Variants in PPFIA2 observed in about 807,000 individuals in gnomAD.
The protein encoded by PPFIA2 is PPFI scaffold protein A2.
In PPFIA2, 46 loss-of-function variants were observed where a neutral mutation model predicts 175.5. The observed-to-expected ratio is 0.26, with a 90% CI of 0.21 to 0.34. The LOEUF is 0.34. PPFIA2 is among the 10% of genes least tolerant of loss of function. The probability of loss-of-function intolerance (pLI) is 1.00; values close to 1 mark genes in which losing one functional copy is unlikely to be tolerated. For missense variants in PPFIA2, 1,179 were observed against 1,506.1 expected (o/e 0.78, Z 3.60); for synonymous variants, 568 against 511.4 (o/e 1.11, Z -1.49).
At chr12:81,510,244 T>A (rs1436034570) in intron 4 of PPFIA2, among the ~76,000 whole-genome samples, 1 of 152,100 alleles carries the variant, frequency 6.6e-6, no homozygotes, top group Admixed American at 6.6e-5. Context: ...AATGTGTGTG[T>A]TTCTGTATGT....
intron 4 of PPFIA2, among the ~76,000 whole-genome samples, chr12:81,499,941 A>G (rs2060421241): frequency 6.6e-6 from 1 of 152,082 alleles, no homozygotes. Context: ...CACTCTTCCA[A>G]CACTCTGTGT....
intron 4 of PPFIA2, among the ~76,000 whole-genome samples, chr12:81,643,630 G>C (rs909874541): frequency 5.3e-5 from 8 of 151,988 alleles, no homozygotes; most frequent in African/African-American, 1.9e-4. Context: ...GTGACAGTGA[G>C]ATGGTTTCTT....
chr12:81,513,097 A>C (rs2061990982), intron 4 of PPFIA2, among the ~76,000 whole-genome samples: 1 of 152,102 alleles, frequency 6.6e-6, no homozygotes, highest in Non-Finnish European at 1.5e-5. Flanking sequence ...AAAGGACATG[A>C]ATAGACAATT....
At chr12:81,357,172 C>A (rs1413646726) in intron 16 of PPFIA2, among the ~76,000 whole-genome samples, 1 of 152,118 alleles carries the variant, frequency 6.6e-6, no homozygotes, top group Non-Finnish European at 1.5e-5. Flanking sequence ...GTTTTGGTAT[C>A]AAGTAGCACT....
chr12:81,579,242 C>T (rs1009924497), intron 4 of PPFIA2, among the ~76,000 whole-genome samples: 1 of 151,778 alleles, frequency 6.6e-6, no homozygotes, highest in East Asian at 1.9e-4. Context: ...ACCAAATCCA[C>T]TAGGAGGGAT....
At chr12:81,460,707 T>C (rs537801435) in intron 4 of PPFIA2, among the ~76,000 whole-genome samples, 93 of 152,218 alleles carry the variant, frequency 6.1e-4, no homozygotes, top group Middle Eastern at 3.4e-3. Flanking sequence ...GCTTACATCA[T>C]CTTACAAAGA....
chr12:81,675,235 G>T (rs200607679), intron 4 of PPFIA2, among the ~76,000 whole-genome samples: 13,465 of 148,772 alleles, frequency 0.091, 781 homozygotes, highest in East Asian at 0.23. Flanking sequence ...TATATATAGA[G>T]AGAGAGAGAT....
At chr12:81,379,628 T>A (rs1393144576) in intron 9 of PPFIA2, among the ~76,000 whole-genome samples, 2 of 152,166 alleles carry the variant, frequency 1.3e-5, no homozygotes, top group African/African-American at 4.8e-5. Context: ...ATAATCCACT[T>A]GTATGAGATT....
chr12:81,371,928 A>AACAC (rs376974623), intron 11 of PPFIA2, among the ~76,000 whole-genome samples: 4 of 137,694 alleles, frequency 2.9e-5, no homozygotes, highest in African/African-American at 1.0e-4. Flanking sequence ...CACACACACA[A>AACAC]ACACACACAC....
intron 4 of PPFIA2, among the ~76,000 whole-genome samples, chr12:81,642,444 T>C (rs2065097676): frequency 6.6e-6 from 1 of 151,206 alleles, no homozygotes; most frequent in Admixed American, 6.6e-5. Flanking sequence ...AATAATAATG[T>C]TAATAAAAAC....
At chr12:81,679,161 TATTAG>T (rs2073135006) in intron 3 of PPFIA2, among the ~76,000 whole-genome samples, 1 of 151,900 alleles carries the variant, frequency 6.6e-6, no homozygotes. Context: ...ATGACTAAAA[TATTAG>T]ATTTACAGAA....
At chr12:81,437,641 A>C (rs1328736701) in intron 7 of PPFIA2, among the ~76,000 whole-genome samples, 3 of 152,222 alleles carry the variant, frequency 2.0e-5, no homozygotes, top group Non-Finnish European at 1.5e-5. Context: ...CTTTTATAAT[A>C]GTAGCCACCA....
chr12:81,444,072 T>A (rs1018855765), intron 6 of PPFIA2, among the ~76,000 whole-genome samples: 7 of 151,644 alleles, frequency 4.6e-5, no homozygotes, highest in Admixed American at 4.6e-4. Context: ...GCCAGGATGG[T>A]CTCGATCTCC....
At chr12:81,508,521 CAAAA>C (rs544893385) in intron 4 of PPFIA2, among the ~76,000 whole-genome samples, 16,816 of 43,484 alleles carry the variant, frequency 0.39, 620 homozygotes, top group Middle Eastern at 0.56. Flanking sequence ...AATTCCACCT[CAAAA>C]AAAAAAAAAA....
chr12:81,302,730 C>T (rs112277618), intron 22 of PPFIA2: 1 of 448,772 alleles, frequency 2.2e-6, no homozygotes, highest in Non-Finnish European at 4.5e-6. Context: ...TAAAAAAGAA[C>T]AGCATTGAAA....
chr12:81,289,492 A>G (rs1036102928), intron 24 of PPFIA2, among the ~76,000 whole-genome samples: 1 of 151,908 alleles, frequency 6.6e-6, no homozygotes, highest in East Asian at 1.9e-4. Flanking sequence ...ATAAACACTA[A>G]GTTGAATTAG....
chr12:81,401,029 C>T (rs1343596410), intron 8 of PPFIA2, among the ~76,000 whole-genome samples: 1 of 152,180 alleles, frequency 6.6e-6, no homozygotes, highest in African/African-American at 2.4e-5. Flanking sequence ...TTTCAGGCAT[C>T]AGTTCAAATC....
In PPFIA2 at chr12:81,753,999, T is replaced by G; in HGVS notation, c.223A>C (p.Arg75=). The stretch of plus-strand genomic sequence containing the variant: ...TGTGGCAGGGCTGAATTGAGCTGTC[T>G]CTGGAGTGAGTCTCGGTCATAGATG... ...DVIYDRDSLQ[R]QLNSALPQDI... is the part of the protein sequence containing the mutation. Residue 75 remains arginine, a synonymous_variant, in exon 3 of 33, where the codon AGA becomes CGA. Coordinates refer to ENST00000549396, the MANE Select transcript of PPFIA2 (RefSeq NM_003625.5). 3.7e-6 allele frequency: 6 copies of G among 1,613,900 alleles called. No homozygotes were observed. The highest frequency in any genetic ancestry group is 5.1e-6 in the Non-Finnish European group (6 of 1,179,876).
intron 7 of PPFIA2, among the ~76,000 whole-genome samples, chr12:81,417,592 G>T (rs1489480912): frequency 6.6e-6 from 1 of 151,512 alleles, no homozygotes; most frequent in African/African-American, 2.4e-5. Flanking sequence ...TCCTTTCTTA[G>T]AAATAACAAA....
Sources: gnomAD v4.1 joint callset for allele counts (sites outside exome capture counted in the v4.1 genomes callset) on GRCh38, gnomAD v4.1.1 for gene constraint, MANE v1.5 for transcripts, NCBI Gene and HGNC (gene_info 2026-07-23, HGNC 2026-07-21) for gene names.